The following METTL15 variants were observed in gnomAD, a reference collection of about 807,000 sequenced individuals.
METTL15 encodes the protein 12S rRNA N(4)-cytidine methyltransferase METTL15.
METTL15 carries 34 observed loss-of-function variants against 38.3 expected under a neutral mutation model. That is an observed-to-expected ratio of 0.89 (90% CI 0.68 to 1.18). The LOEUF (loss-of-function observed/expected upper bound fraction) is 1.18, where lower values mean the gene tolerates loss of function less well. Among genes scored for constraint, METTL15 ranks in the 50% most tolerant of loss-of-function variants. The pLI is 0.00. For synonymous variants in METTL15, 162 were observed against 170.9 expected (o/e 0.95, Z 0.41); for missense variants, 438 against 498.4 (o/e 0.88, Z 1.15).
At chr11:28,521,476 G>T (rs11030360) in intron 6 of METTL15, among the ~76,000 whole-genome samples, 1 of 152,200 alleles carries the variant, frequency 6.6e-6, no homozygotes, top group Admixed American at 6.5e-5. Flanking sequence ...AAGACAGACT[G>T]TTGGCTTTAT....
rs571913651 is a variant in METTL15, at chr11:28,148,479, C to T, written c.270+34875C>T. 9.2e-5 allele frequency among the ~76,000 whole-genome samples: 14 copies of T among 151,986 alleles called. No homozygotes were observed. In the South Asian group the frequency reaches 2.7e-3, roughly 29 times the overall value. On this transcript the variant is annotated intron_variant, in intron 3 of 6. Transcript: ENST00000407364. ...CTTCCCTCTACCTTCTCTCAAAAAT[C>T]TGGACTCAACTTATTTACTGATTCT...
chr11:28,374,881 G>T (rs923086657), intron 5 of METTL15, among the ~76,000 whole-genome samples: 1 of 151,090 alleles, frequency 6.6e-6, no homozygotes, highest in African/African-American at 2.4e-5. Flanking sequence ...ATGAAGGGTT[G>T]TTGAATTTTG....
At chr11:28,428,285 ATGTG>A (rs966857691) in intron 6 of METTL15, among the ~76,000 whole-genome samples, 34 of 152,308 alleles carry the variant, frequency 2.2e-4, no homozygotes, top group Admixed American at 1.7e-3. Context: ...AATGGTAAGT[ATGTG>A]TGTGTCTACA....
intron 4 of METTL15, among the ~76,000 whole-genome samples, chr11:28,230,266 C>T (rs970260040): frequency 2.0e-5 from 3 of 151,858 alleles, no homozygotes; most frequent in African/African-American, 7.2e-5. Context: ...ATTAACACCT[C>T]TGCATCCATT....
intron 6 of METTL15, among the ~76,000 whole-genome samples, chr11:28,318,404 A>G (rs1849345487): frequency 6.6e-6 from 1 of 152,086 alleles, no homozygotes; most frequent in African/African-American, 2.4e-5. Context: ...TGCCTGGAGA[A>G]GACAGCACAT....
At chr11:28,288,863 G>C (rs1175822416) in intron 4 of METTL15, among the ~76,000 whole-genome samples, 5 of 152,044 alleles carry the variant, frequency 3.3e-5, no homozygotes, top group African/African-American at 1.2e-4. Flanking sequence ...CATCTGGCCA[G>C]TGTTGGGCCA....
chr11:28,425,977 T>C (rs10835329), intron 6 of METTL15, among the ~76,000 whole-genome samples: 1 of 152,126 alleles, frequency 6.6e-6, no homozygotes, highest in Non-Finnish European at 1.5e-5. Flanking sequence ...GGGGTACATG[T>C]GCAGGTTGTC....
chr11:28,287,431 G>A (rs984134936), intron 4 of METTL15: 4 of 421,172 alleles, frequency 9.5e-6, no homozygotes, highest in East Asian at 8.6e-5. Context: ...TAGCCTGCCT[G>A]TGAGGTTCAC....
chr11:28,236,459 C>A (rs915635501), intron 4 of METTL15, among the ~76,000 whole-genome samples: 8 of 152,088 alleles, frequency 5.3e-5, no homozygotes, highest in African/African-American at 1.9e-4. Flanking sequence ...GGTTGGTAAG[C>A]TATTGTTTAT....
At chr11:28,205,494 T>A (rs1197365365) in intron 3 of METTL15, among the ~76,000 whole-genome samples, 1 of 152,170 alleles carries the variant, frequency 6.6e-6, no homozygotes, top group African/African-American at 2.4e-5. Context: ...ATTTTCTTAA[T>A]CCAGTCTATC....
At chr11:28,181,478 A>G (rs1053341896) in intron 3 of METTL15, among the ~76,000 whole-genome samples, 19 of 151,012 alleles carry the variant, frequency 1.3e-4, no homozygotes, top group South Asian at 2.1e-4. Context: ...TCATTGTTCA[A>G]CTCCCACTTA....
At chr11:28,508,212 A>G (rs929941199) in intron 6 of METTL15, among the ~76,000 whole-genome samples, 1 of 151,616 alleles carries the variant, frequency 6.6e-6, no homozygotes, top group African/African-American at 2.4e-5. Flanking sequence ...TTATTACCAC[A>G]TGGAATGTTT....
At chr11:28,495,394 A>C (rs1851527468) in intron 6 of METTL15, among the ~76,000 whole-genome samples, 1 of 152,142 alleles carries the variant, frequency 6.6e-6, no homozygotes, top group Non-Finnish European at 1.5e-5. Flanking sequence ...AGGACAGACT[A>C]GATTTGATCT....
At chr11:28,408,134 C>A (rs1341476780) in intron 5 of METTL15, among the ~76,000 whole-genome samples, 1 of 151,808 alleles carries the variant, frequency 6.6e-6, no homozygotes, top group Non-Finnish European at 1.5e-5. Context: ...GGTAAGGGAA[C>A]AATACACACT....
At chr11:28,453,747 A>G (rs1256999814) in intron 6 of METTL15, among the ~76,000 whole-genome samples, 1 of 152,200 alleles carries the variant, frequency 6.6e-6, no homozygotes, top group East Asian at 1.9e-4. Flanking sequence ...TTCCATTAAT[A>G]TCCTCACCAT....
In METTL15 at chr11:28,342,397, G is replaced by A. The variant is rs563459034; in HGVS notation, c.*190-9693G>A. ...CCCATCTCGGCCTCCCGAGTAGCTG[G>A]GACCACAGGTGTGTGGCACCAGGCT... On this transcript the variant is annotated intron_variant and NMD_transcript_variant, in intron 3 of 7. Transcript: ENST00000532947. 5.3e-4 allele frequency among the ~76,000 whole-genome samples: 81 copies of A among 152,012 alleles called. No individual in the cohort carries two copies. In the South Asian group the frequency reaches 0.016, roughly 29 times the overall value.
At chr11:28,240,820 C>T (rs753197354) in intron 4 of METTL15, among the ~76,000 whole-genome samples, 3 of 151,926 alleles carry the variant, frequency 2.0e-5, no homozygotes, top group Non-Finnish European at 4.4e-5. Context: ...TAGGGGATAG[C>T]CAAGTTTTTT....
At chr11:28,473,750 C>T (rs1172224037) in intron 6 of METTL15, among the ~76,000 whole-genome samples, 2 of 152,090 alleles carry the variant, frequency 1.3e-5, no homozygotes, top group Admixed American at 1.3e-4. Flanking sequence ...GCTTCACCAA[C>T]CTTATCTTTC....
rs535846030 is a variant in METTL15, at chr11:28,309,793, G to A, written c.778+12862G>A. Among the ~76,000 whole-genome samples, 4 of 152,154 alleles carry A rather than the reference G, an allele frequency of 2.6e-5. No individual in the cohort carries two copies. In the South Asian group the frequency reaches 8.3e-4, roughly 32 times the overall value. ...GGATGGAAACTTCAGAGATATCCCT[G>A]GGTCATTTTTTTCTGTGCCCCCCAC... On this transcript the variant is annotated intron_variant, in intron 6 of 6. Transcript: ENST00000407364.
Sources: gnomAD v4.1 joint callset for allele counts (sites outside exome capture counted in the v4.1 genomes callset) on GRCh38, gnomAD v4.1.1 for gene constraint, MANE v1.5 for transcripts, NCBI Gene and HGNC (gene_info 2026-07-23, HGNC 2026-07-21) for gene names.